RBFOX1: variants seen among roughly 807,000 people sequenced by gnomAD.
RBFOX1 encodes the protein RNA binding protein fox-1 homolog 1.
In RBFOX1, 8 loss-of-function variants were observed where a neutral mutation model predicts 57.7. The observed-to-expected ratio is 0.14, with a 90% CI of 0.08 to 0.25. The LOEUF (loss-of-function observed/expected upper bound fraction) is 0.25, where lower values mean the gene tolerates loss of function less well. RBFOX1 is among the 10% of genes least tolerant of loss of function. The pLI is 1.00. For missense variants in RBFOX1, 611 were observed against 548.5 expected, an observed-to-expected ratio of 1.11 and a Z score of -1.14; for synonymous variants, 326 against 222.4, an observed-to-expected ratio of 1.47 and a Z score of -4.15.
chr16:5,352,298 C>A (rs2065279436), intron 1 of RBFOX1, among the ~76,000 whole-genome samples: 1 of 152,184 alleles, frequency 6.6e-6, no homozygotes, highest in Non-Finnish European at 1.5e-5. Flanking sequence ...CTATATCCAA[C>A]TTTAAAAAAG....
At chr16:6,495,004 T>A (rs1181089611) in intron 2 of RBFOX1, among the ~76,000 whole-genome samples, 4 of 152,204 alleles carry the variant, frequency 2.6e-5, no homozygotes, top group Non-Finnish European at 5.9e-5. Context: ...AAGCACAAAA[T>A]GGTTAAGTAA....
chr16:7,456,763 C>T (rs2150378766), intron 4 of RBFOX1, among the ~76,000 whole-genome samples: 1 of 152,230 alleles, frequency 6.6e-6, no homozygotes, highest in South Asian at 2.1e-4. Flanking sequence ...AGCAGGCCTG[C>T]AGTGGTAGCA....
chr16:7,664,735 CA>C, intron 12 of RBFOX1, 193 bp from the exon 13 acceptor site: 1 of 936,174 alleles, frequency 1.1e-6, no homozygotes, highest in Non-Finnish European at 1.6e-6. Flanking sequence ...GGGCCAACAC[CA>C]AAGCCCGGCC....
At chr16:7,089,674 A>G (rs771342325) in intron 4 of RBFOX1, among the ~76,000 whole-genome samples, 1 of 152,180 alleles carries the variant, frequency 6.6e-6, no homozygotes, top group African/African-American at 2.4e-5. Flanking sequence ...CAGAGGAAAA[A>G]TGATGCGTGT....
At chr16:5,581,661 TA>T (rs1350060586) in intron 2 of RBFOX1, among the ~76,000 whole-genome samples, 1 of 152,142 alleles carries the variant, frequency 6.6e-6, no homozygotes, top group Admixed American at 6.5e-5. Flanking sequence ...GTGTAGGAGT[TA>T]AGTTGCAGAA....
intron 4 of RBFOX1, among the ~76,000 whole-genome samples, chr16:7,323,731 G>A (rs1472246025): frequency 6.6e-6 from 1 of 152,234 alleles, no homozygotes; most frequent in African/African-American, 2.4e-5. Context: ...TGAGTACTGT[G>A]TCTGGCACAT....
intron 13 of RBFOX1, among the ~76,000 whole-genome samples, chr16:7,665,315 T>C (rs938314579): frequency 9.2e-5 from 14 of 152,328 alleles, no homozygotes; most frequent in African/African-American, 2.4e-4. Flanking sequence ...GTATAATATT[T>C]AGGATAACAG....
intron 4 of RBFOX1, among the ~76,000 whole-genome samples, chr16:7,100,371 C>CA (rs2062466666): frequency 6.6e-6 from 1 of 152,026 alleles, no homozygotes; most frequent in Non-Finnish European, 1.5e-5. Context: ...CTGACTCCCC[C>CA]CAGCCTATCA....
At chr16:6,386,577 A>G (rs1172111186) in intron 2 of RBFOX1, among the ~76,000 whole-genome samples, 1 of 152,244 alleles carries the variant, frequency 6.6e-6, no homozygotes, top group East Asian at 1.9e-4. Flanking sequence ...AATAAATGGA[A>G]AAATAAATAA....
chr16:7,191,502 A>T (rs181202247), intron 4 of RBFOX1, among the ~76,000 whole-genome samples: 1 of 152,200 alleles, frequency 6.6e-6, no homozygotes, highest in Non-Finnish European at 1.5e-5. Flanking sequence ...TTTATTTTGT[A>T]TGTTATATTG....
At chr16:5,981,685 T>C (rs532854610) in intron 4 of RBFOX1, among the ~76,000 whole-genome samples, 1 of 152,264 alleles carries the variant, frequency 6.6e-6, no homozygotes, top group Non-Finnish European at 1.5e-5. Flanking sequence ...GTCAGTCTGG[T>C]CTTGAACTCC....
chr16:5,791,905 C>A (rs374956684), intron 3 of RBFOX1, among the ~76,000 whole-genome samples: 2 of 152,128 alleles, frequency 1.3e-5, no homozygotes, highest in African/African-American at 2.4e-5. Context: ...TTGGGAAGAA[C>A]CAGCAAGATG....
intron 3 of RBFOX1, among the ~76,000 whole-genome samples, chr16:6,678,497 A>C (rs1415941928): frequency 6.6e-6 from 1 of 151,626 alleles, no homozygotes; most frequent in Non-Finnish European, 1.5e-5. Flanking sequence ...AACCTTCAAA[A>C]TCTAGTGTGC....
At chr16:7,218,385 G>A (rs138568790) in intron 4 of RBFOX1, among the ~76,000 whole-genome samples, 3 of 152,134 alleles carry the variant, frequency 2.0e-5, no homozygotes, top group African/African-American at 7.2e-5. Context: ...GACAGAGTTA[G>A]AAGTGGAAAG....
intron 3 of RBFOX1, among the ~76,000 whole-genome samples, chr16:7,022,879 C>A (rs2039725634): frequency 6.6e-6 from 1 of 152,182 alleles, no homozygotes; most frequent in Non-Finnish European, 1.5e-5. Context: ...GTTCACACAG[C>A]TAGAATGCTG....
At chr16:6,339,406 C>G (rs186867301) in intron 2 of RBFOX1, among the ~76,000 whole-genome samples, 1 of 152,284 alleles carries the variant, frequency 6.6e-6, no homozygotes, top group African/African-American at 2.4e-5. Flanking sequence ...TATGGGGCTG[C>G]TGAACGAGGA....
chr16:6,849,573 A>T (rs1173124700), intron 3 of RBFOX1, among the ~76,000 whole-genome samples: 1 of 152,152 alleles, frequency 6.6e-6, no homozygotes, highest in South Asian at 2.1e-4. Flanking sequence ...ACAGGCTGAG[A>T]CAGGAGAATT....
intron 1 of RBFOX1, among the ~76,000 whole-genome samples, chr16:5,414,689 G>A (rs188239275): frequency 3.9e-5 from 6 of 152,252 alleles, no homozygotes; most frequent in African/African-American, 1.4e-4. Context: ...GGCTTCGGAT[G>A]CTGAAATTCA....
At chr16:5,872,345 G>C (rs1273426936) in intron 4 of RBFOX1, among the ~76,000 whole-genome samples, 2 of 152,226 alleles carry the variant, frequency 1.3e-5, no homozygotes, top group Non-Finnish European at 2.9e-5. Flanking sequence ...CTGTAGTCAA[G>C]TTACTTAACT....
Sources: allele counts gnomAD v4.1 joint callset (sites outside exome capture counted in the v4.1 genomes callset), GRCh38; gene constraint gnomAD v4.1.1; transcripts MANE v1.5; gene names NCBI Gene and HGNC (gene_info 2026-07-23, HGNC 2026-07-21).